The following POMK variants were observed in gnomAD, a reference collection of about 807,000 sequenced individuals.
POMK encodes protein O-mannose kinase, also known as Sugen kinase 196.
POMK carries 19 observed loss-of-function variants against 23.0 expected under a neutral mutation model. That is an observed-to-expected ratio of 0.83 (90% CI 0.58 to 1.21). The LOEUF (loss-of-function observed/expected upper bound fraction) is 1.21, where lower values mean the gene tolerates loss of function less well. POMK is among the 50% of genes most tolerant of loss of function. The pLI is 0.00. For missense variants in POMK, 410 were observed against 431.3 expected, an observed-to-expected ratio of 0.95 and a Z score of 0.44; for synonymous variants, 173 against 171.6, an observed-to-expected ratio of 1.01 and a Z score of -0.06.
intron 2 of POMK, among the ~76,000 whole-genome samples, chr8:43,100,905 G>A (rs753649926): frequency 7.2e-5 from 11 of 152,044 alleles, no homozygotes; most frequent in Admixed American, 1.3e-4. Flanking sequence ...AGGGGCAGCC[G>A]GATGGTTTAA....
At chr8:43,112,601 A>G (rs987929795) in intron 4 of POMK, among the ~76,000 whole-genome samples, 3 of 152,146 alleles carry the variant, frequency 2.0e-5, no homozygotes, top group South Asian at 2.1e-4. Flanking sequence ...CAACTCCAAG[A>G]CACATAATTG....
intron 4 of POMK, among the ~76,000 whole-genome samples, chr8:43,111,953 C>T (rs202228644): frequency 2.3e-4 from 34 of 147,632 alleles, no homozygotes; most frequent in African/African-American, 2.7e-4. Context: ...TAGATAAAAC[C>T]ACAAAGATGG....
At chr8:43,104,469 A>G (rs1003943831) in intron 4 of POMK, among the ~76,000 whole-genome samples, 2 of 152,228 alleles carry the variant, frequency 1.3e-5, no homozygotes, top group Non-Finnish European at 2.9e-5. Flanking sequence ...ACTAGAAACA[A>G]AACTTTTAGA....
chr8:43,101,437 A>AG (rs1233382489), intron 2 of POMK, among the ~76,000 whole-genome samples: 1 of 150,710 alleles, frequency 6.6e-6, no homozygotes, highest in African/African-American at 2.4e-5. Flanking sequence ...AAAAAAAAAA[A>AG]GGAAGAAAAT....
chr8:43,122,082 G>A (rs1811927926), intron 4 of POMK, 25 bp from the exon 5 acceptor site: 3 of 1,607,464 alleles, frequency 1.9e-6, no homozygotes, highest in Non-Finnish European at 2.6e-6. Context: ...GTTCAGGCCT[G>A]ATGCTCTCTA....
At chr8:43,095,965 C>T (rs768210385) in intron 1 of POMK, among the ~76,000 whole-genome samples, 4 of 152,198 alleles carry the variant, frequency 2.6e-5, no homozygotes, top group Non-Finnish European at 4.4e-5. Context: ...AGACAGGAGC[C>T]GTGAGGAGAG....
chr8:43,111,537 C>A (rs1811666274), intron 4 of POMK, among the ~76,000 whole-genome samples: 1 of 152,250 alleles, frequency 6.6e-6, no homozygotes, highest in South Asian at 2.1e-4. Flanking sequence ...CCTCTGCGGA[C>A]TTAAATGTCC....
At chr8:43,116,683 C>T (rs1262342613) in intron 4 of POMK, among the ~76,000 whole-genome samples, 1 of 152,212 alleles carries the variant, frequency 6.6e-6, no homozygotes, top group Non-Finnish European at 1.5e-5. Context: ...AATAAGAAAT[C>T]TGCTTATACT....
rs1275334212 is a variant in POMK, at chr8:43,105,561, C to T, written c.282+1731C>T. Reference sequence around the variant, plus strand: ...TATTCTATTTTGTGTATATATACCACATTTTCTTTATCCATTCATCTGCTG... The same window carrying T: ...TATTCTATTTTGTGTATATATACCATATTTTCTTTATCCATTCATCTGCTG... On this transcript the variant is annotated intron_variant, in intron 4 of 4. Transcript: ENST00000331373. 2.6e-5 allele frequency among the ~76,000 whole-genome samples: 4 copies of T among 152,200 alleles called. No homozygotes were observed. In the East Asian group the frequency reaches 7.7e-4, roughly 29 times the overall value.
chr8:43,104,678 C>T (rs1394086785), intron 4 of POMK, among the ~76,000 whole-genome samples: 4 of 152,174 alleles, frequency 2.6e-5, no homozygotes, highest in East Asian at 3.8e-4. Flanking sequence ...GGCGCAGTGT[C>T]TTATACATGT....
At chr8:43,095,419 G>A (rs1811314700) in intron 1 of POMK, among the ~76,000 whole-genome samples, 1 of 152,120 alleles carries the variant, frequency 6.6e-6, no homozygotes, top group African/African-American at 2.4e-5. Flanking sequence ...GTGAATGTGA[G>A]GACTTAGGGA....
chr8:43,102,376 C>G (rs1178510222), intron 2 of POMK, 129 bp from the exon 3 acceptor site: 1 of 152,550 alleles, frequency 6.6e-6, no homozygotes, highest in Non-Finnish European at 1.5e-5. Flanking sequence ...GCTTGAGAAC[C>G]TGAGGAAACC....
At chr8:43,102,766 C>T (rs945656862) in intron 3 of POMK, among the ~76,000 whole-genome samples, 166 bp downstream of exon 3, 4 of 152,222 alleles carry the variant, frequency 2.6e-5, no homozygotes, top group Non-Finnish European at 5.9e-5. Context: ...CTGCCATCCA[C>T]GGTCCTACTT....
chr8:43,122,297 G>A lies in POMK; in HGVS notation c.473G>A (p.Ser158Asn), dbSNP rs1230870772. ...GAATATCACCCTCTAGGTTCCTTGAGTAACCTGGAAGAAACACTAAACCTT... is the reference window on the plus strand; with the variant it reads ...GAATATCACCCTCTAGGTTCCTTGAATAACCTGGAAGAAACACTAAACCTT... ...LTEYHPLGSL[S>N]NLEETLNLSK... is the part of the protein sequence containing the mutation. Residue 158 changes from serine to asparagine, a missense_variant, in exon 5 of 5, where the codon AGT becomes AAT. Ser to Asn is a conservative substitution (Grantham distance 46, BLOSUM62 1). Transcript: ENST00000331373. The A allele has an allele frequency of 6.2e-7, 1 of 1,614,210 alleles. No homozygotes were observed. Among genetic ancestry groups the A allele is most frequent in the Non-Finnish European group, 8.5e-7 (1 of 1,180,034 alleles).
At chr8:43,107,881 C>G (rs1035889774) in intron 4 of POMK, among the ~76,000 whole-genome samples, 1 of 152,138 alleles carries the variant, frequency 6.6e-6, no homozygotes, top group African/African-American at 2.4e-5. Flanking sequence ...CGGGGTTTCA[C>G]TGTGTTGCCC....
At chr8:43,109,557 T>A (rs1811607564) in intron 4 of POMK, among the ~76,000 whole-genome samples, 5 of 152,182 alleles carry the variant, frequency 3.3e-5, no homozygotes, top group Admixed American at 2.6e-4. Flanking sequence ...TTTTTATTTT[T>A]TTCAAGACGC....
At chr8:43,100,902 G>T (rs1420634177) in intron 2 of POMK, among the ~76,000 whole-genome samples, 4 of 152,102 alleles carry the variant, frequency 2.6e-5, no homozygotes, top group Non-Finnish European at 5.9e-5. Context: ...GGAAGGGGCA[G>T]CCGGATGGTT....
chr8:43,108,978 A>G (rs931170592), intron 4 of POMK, among the ~76,000 whole-genome samples: 12 of 152,250 alleles, frequency 7.9e-5, no homozygotes, highest in Non-Finnish European at 1.8e-4. Context: ...GTAACTTTAT[A>G]TCACAAATTT....
rs182867411 is a variant in POMK at position 43,122,945 on chromosome 8, G to T, written c.*68G>T. The T allele has an allele frequency of 1.2e-4, 173 of 1,429,834 alleles. No homozygotes were observed. Among genetic ancestry groups the T allele is most frequent in the Non-Finnish European group, 1.6e-4 (167 of 1,065,792 alleles). 88.6% of individuals were successfully genotyped at this position (1,429,834 alleles called of 1,614,324 possible). ...GAAGTTACAGCATTCTACTCTGATG[G>T]TGGAGTTTTTTGCCTGAGTTTCGTG... On this transcript the variant is annotated 3_prime_UTR_variant, in exon 5 of 5. Coordinates refer to ENST00000331373, the MANE Select transcript of POMK (RefSeq NM_032237.5).
Sources: gnomAD v4.1 joint callset for allele counts (sites outside exome capture counted in the v4.1 genomes callset) on GRCh38, gnomAD v4.1.1 for gene constraint, MANE v1.5 for transcripts, NCBI Gene and HGNC (gene_info 2026-07-23, HGNC 2026-07-21) for gene names.